Variants in RB1 observed in about 807,000 individuals in gnomAD.
The protein encoded by RB1 is RB transcriptional corepressor 1.
In RB1, 18 loss-of-function variants were observed where a neutral mutation model predicts 135.4. The ratio of observed to expected loss-of-function variants is 0.13; its 90% CI spans 0.09 to 0.20. RB1 has a LOEUF of 0.20. Ranked by LOEUF, RB1 falls within the 10% of genes least tolerant of loss-of-function variation. The pLI is 1.00. For synonymous variants in RB1, 365 were observed against 373.2 expected (o/e 0.98, Z 0.25); for missense variants, 868 against 1,110.0 (o/e 0.78, Z 3.10).
intron 24 of RB1, 40 bp downstream of exon 24, chr13:48,473,430 G>A (rs1337107483): frequency 1.1e-5 from 17 of 1,483,808 alleles, no homozygotes; most frequent in Non-Finnish European, 1.6e-5. Flanking sequence ...AGTATGCATT[G>A]TAAGTATAAA....
chr13:48,358,393 C>T (rs1415256669), intron 6 of RB1, among the ~76,000 whole-genome samples: 2 of 152,056 alleles, frequency 1.3e-5, no homozygotes, highest in African/African-American at 4.8e-5. Context: ...CTTCACTCTG[C>T]ACTTAATCTG....
chr13:48,459,321 A>T (rs198579), intron 19 of RB1, among the ~76,000 whole-genome samples: 1 of 152,148 alleles, frequency 6.6e-6, no homozygotes. Context: ...CCTATTTTTT[A>T]AAAAAACTCA....
intron 7 of RB1, 132 bp downstream of exon 7, chr13:48,360,259 A>G: frequency 6.7e-7 from 1 of 1,500,390 alleles, no homozygotes; most frequent in Non-Finnish European, 8.9e-7. Context: ...TTTGCCCATA[A>G]GTAGTGTAAG....
At chr13:48,474,327 C>T (rs1949490887) in intron 24 of RB1, among the ~76,000 whole-genome samples, 1 of 152,114 alleles carries the variant, frequency 6.6e-6, no homozygotes, top group African/African-American at 2.4e-5. Flanking sequence ...CCTAAATTAG[C>T]TAGGTACCCA....
chr13:48,461,610 A>G (rs1949405736), intron 20 of RB1, among the ~76,000 whole-genome samples: 1 of 152,104 alleles, frequency 6.6e-6, no homozygotes, highest in Non-Finnish European at 1.5e-5. Flanking sequence ...CATGCCTACC[A>G]ATAATGTATG....
chr13:48,424,073 A>G (rs964188431), intron 17 of RB1: 1 of 152,670 alleles, frequency 6.6e-6, no homozygotes, highest in African/African-American at 2.4e-5. Context: ...TGCAAAAAGC[A>G]GTTTTCTCAT....
intron 17 of RB1, among the ~76,000 whole-genome samples, chr13:48,390,343 C>T (rs941240812): frequency 6.6e-6 from 1 of 152,100 alleles, no homozygotes; most frequent in Non-Finnish European, 1.5e-5. Flanking sequence ...CTTAGAATTT[C>T]TGGAGACAGA....
At chr13:48,393,397 T>C (rs1369575526) in intron 17 of RB1, among the ~76,000 whole-genome samples, 3 of 152,240 alleles carry the variant, frequency 2.0e-5, no homozygotes, top group African/African-American at 7.2e-5. Flanking sequence ...GACCATAAAC[T>C]GTCCCCAGGC....
At chr13:48,461,514 A>G (rs1385683266) in intron 20 of RB1, among the ~76,000 whole-genome samples, 1 of 152,192 alleles carries the variant, frequency 6.6e-6, no homozygotes, top group African/African-American at 2.4e-5. Context: ...CATACCTAGG[A>G]GTAGAATTGC....
intron 11 of RB1, among the ~76,000 whole-genome samples, chr13:48,372,075 C>T (rs1952764109): frequency 1.3e-5 from 2 of 152,112 alleles, no homozygotes; most frequent in Non-Finnish European, 1.5e-5. Flanking sequence ...GAAAAATTGT[C>T]TTCCATGAAA....
chr13:48,379,341 T>G (rs1019247853), intron 13 of RB1, among the ~76,000 whole-genome samples: 1 of 152,074 alleles, frequency 6.6e-6, no homozygotes, highest in African/African-American at 2.4e-5. Context: ...GCGGCCATAT[T>G]TGTAAGAAGG....
chr13:48,472,442 A>T (rs183481232), intron 23 of RB1, among the ~76,000 whole-genome samples: 6 of 152,252 alleles, frequency 3.9e-5, no homozygotes, highest in African/African-American at 1.2e-4. Flanking sequence ...TAAGCTGCTA[A>T]GATGCCACGT....
chr13:48,473,775 A>T (rs1315077889), intron 24 of RB1, among the ~76,000 whole-genome samples: 1 of 152,088 alleles, frequency 6.6e-6, no homozygotes, highest in Non-Finnish European at 1.5e-5. Context: ...TTCAATTCTG[A>T]CACTAATTAC....
At chr13:48,358,149 G>A (rs1278511898) in intron 6 of RB1, among the ~76,000 whole-genome samples, 2 of 152,068 alleles carry the variant, frequency 1.3e-5, no homozygotes, top group Non-Finnish European at 2.9e-5. Flanking sequence ...ACTCAAATCA[G>A]CCTCAGCTGG....
chr13:48,391,244 CT>C (rs1948608183), intron 17 of RB1, among the ~76,000 whole-genome samples: 1 of 152,132 alleles, frequency 6.6e-6, no homozygotes, highest in Non-Finnish European at 1.5e-5. Flanking sequence ...TCCATTTTCC[CT>C]TTTCCAACCT....
chr13:48,445,647 C>T (rs1360422828), intron 17 of RB1, among the ~76,000 whole-genome samples: 1 of 152,168 alleles, frequency 6.6e-6, no homozygotes, highest in Non-Finnish European at 1.5e-5. Context: ...ACCCCATCCA[C>T]CTGGATCTCC....
intron 17 of RB1, among the ~76,000 whole-genome samples, chr13:48,387,862 C>T (rs1450195406): frequency 6.6e-6 from 1 of 152,074 alleles, no homozygotes; most frequent in Non-Finnish European, 1.5e-5. Context: ...GGTTTTGAGT[C>T]CAAAAAGTTT....
At position 48,373,398 on chromosome 13, in the gene RB1, C is replaced by T. The variant is rs2138130812; in HGVS notation, c.1128-7C>T. Reference sequence around the variant, plus strand: ...TTAACACATTTTCCTATTTTTATCCCCTCTAGGACTGTTATGAACACTATC... The same window carrying T: ...TTAACACATTTTCCTATTTTTATCCTCTCTAGGACTGTTATGAACACTATC... On this transcript the variant is annotated splice_region_variant and splice_polypyrimidine_tract_variant and intron_variant, in intron 11 of 26. Coordinates refer to ENST00000267163, the MANE Select transcript of RB1 (RefSeq NM_000321.3). 1 of 1,535,662 alleles carries T rather than the reference C, an allele frequency of 6.5e-7. No homozygotes were observed. The highest frequency in any genetic ancestry group is 9.0e-7 in the Non-Finnish European group (1 of 1,109,906).
intron 17 of RB1, among the ~76,000 whole-genome samples, chr13:48,435,943 C>T (rs1363617811): frequency 6.6e-6 from 1 of 151,742 alleles, no homozygotes; most frequent in South Asian, 2.1e-4. Context: ...TCTAAGCAGC[C>T]CAATTAAAAG....
Sources: gnomAD v4.1 joint callset for allele counts (sites outside exome capture counted in the v4.1 genomes callset) on GRCh38, gnomAD v4.1.1 for gene constraint, MANE v1.5 for transcripts, NCBI Gene and HGNC (gene_info 2026-07-23, HGNC 2026-07-21) for gene names.